Variants in IVD observed in about 807,000 individuals in gnomAD.
IVD encodes isovaleryl-CoA dehydrogenase, mitochondrial.
IVD carries 31 observed loss-of-function variants against 51.3 expected under a neutral mutation model. The ratio of observed to expected loss-of-function variants is 0.60; its 90% CI spans 0.45 to 0.81. The LOEUF is 0.81. Ranked by LOEUF, IVD falls within the 40% of genes least tolerant of loss-of-function variation. IVD has a pLI of 0.00. For missense variants in IVD, 475 were observed against 552.0 expected, an observed-to-expected ratio of 0.86 and a Z score of 1.40; for synonymous variants, 205 against 219.4, an observed-to-expected ratio of 0.93 and a Z score of 0.58.
rs1440309250 is a variant in IVD, at chr15:40,421,166, C to T, written c.*2903C>T. ...TGGCTTAATGTGTGGCTGGAGAGAC[C>T]AGCCTGGAGACAATGTGGCAAAATG... On this transcript the variant is annotated 3_prime_UTR_variant, in exon 12 of 12. Coordinates refer to ENST00000487418, the MANE Select transcript of IVD (RefSeq NM_002225.5). 1 of 985,340 alleles carries T rather than the reference C, an allele frequency of 1.0e-6. No individual in the cohort carries two copies. The highest frequency in any genetic ancestry group is 1.7e-5 in the African/African-American group (1 of 57,242). The allele number at this position is 985,340 out of a possible 1,614,324, so 61.0% of individuals were successfully genotyped here.
chr15:40,431,967 T>TTG (rs1169579164), intron 7 of IVD, among the ~76,000 whole-genome samples: 3 of 148,144 alleles, frequency 2.0e-5, no homozygotes, highest in Non-Finnish European at 4.5e-5. Context: ...ATCTAAGTCT[T>TTG]TTTTTTTTTT....
At chr15:40,430,076 T>A (rs915638390) in intron 7 of IVD, among the ~76,000 whole-genome samples, 8 of 152,216 alleles carry the variant, frequency 5.3e-5, no homozygotes, top group Non-Finnish European at 1.2e-4. Flanking sequence ...TGGCACGCAG[T>A]GTGGCTGCAA....
chr15:40,421,317 C>G (rs1892281055), downstream of IVD: 1 of 985,396 alleles, frequency 1.0e-6, no homozygotes, highest in East Asian at 1.1e-4. Flanking sequence ...AACCATGCAG[C>G]CTGAGTGGTA....
Position 40,419,119 on chromosome 15 carries a change from A to G in IVD, c.*856A>G. ...CCATTGCACTCCAGCCTGGGCGACA[A>G]GAGCAAAACTCTTCAAAAAACAAAA... On this transcript the variant is annotated 3_prime_UTR_variant, in exon 12 of 12. Transcript: ENST00000487418. 1 of 1,283,752 alleles carries G rather than the reference A, an allele frequency of 7.8e-7. No homozygotes were observed. The highest frequency in any genetic ancestry group is 1.2e-5 in the South Asian group (1 of 80,808). 79.5% of individuals were successfully genotyped at this position (1,283,752 alleles called of 1,614,324 possible).
chr15:40,420,664 G>T lies in IVD; in HGVS notation c.*2401G>T. The T allele has an allele frequency of 1.0e-6, 1 of 987,478 alleles. No homozygotes were observed. 61.2% of individuals were successfully genotyped at this position (987,478 alleles called of 1,614,324 possible). ...GGAAGCAGGGAGCCCAGAGTGCTAA[G>T]TTCTTACAGCCAGAAGGAAGCTTAT... On this transcript the variant is annotated 3_prime_UTR_variant, in exon 12 of 12. Transcript: ENST00000487418.
chr15:40,415,378 G>A (rs370481272), intron 8 of IVD, 23 bp from the exon 9 acceptor site: 62 of 1,605,018 alleles, frequency 3.9e-5, no homozygotes, highest in Middle Eastern at 1.7e-4. Flanking sequence ...AGGTGCCCAC[G>A]GGGCCTTTCT....
intron 7 of IVD, among the ~76,000 whole-genome samples, chr15:40,429,536 T>C (rs1892855063): frequency 6.6e-6 from 1 of 152,194 alleles, no homozygotes; most frequent in Non-Finnish European, 1.5e-5. Flanking sequence ...TGCTGCCGTA[T>C]CCCCAGCACT....
chr15:40,421,797 A>G (rs1413523526), downstream of IVD, among the ~76,000 whole-genome samples: 1 of 152,246 alleles, frequency 6.6e-6, no homozygotes, highest in South Asian at 2.1e-4. Context: ...TCTTTGCACA[A>G]CCGAGTGCAG....
chr15:40,411,338 A>C lies in IVD; in HGVS notation c.535A>C (p.Lys179Gln), dbSNP rs760362637. 5.0e-6 allele frequency: 8 copies of C among 1,614,186 alleles called. No individual in the cohort carries two copies. Among genetic ancestry groups the C allele is most frequent in the Non-Finnish European group, 5.1e-6 (6 of 1,180,028 alleles). Reference protein sequence around the residue: ...AGSDVVSMKLKAEKKGNHYIL... With the variant: ...AGSDVVSMKLQAEKKGNHYIL... ...CTCTGATGTTGTCTCTATGAAGCTC[A>C]AAGCGGAAAAGAAAGGTGAGGCCAC... Residue 179 changes from lysine (K) to glutamine (Q), a missense_variant, in exon 5 of 12, where the codon AAA becomes CAA. By Grantham distance (53) the Lys-to-Gln change is moderately conservative (BLOSUM62 1). Coordinates refer to ENST00000487418, the MANE Select transcript of IVD (RefSeq NM_002225.5).
chr15:40,418,855 A>G lies in IVD; in HGVS notation c.*592A>G. On this transcript the variant is annotated 3_prime_UTR_variant, in exon 12 of 12. Transcript: ENST00000487418. ...AAAAAATAATAAACCTAGCCTAGCC[A>G]GGCGTGGTGGCTCATGCTTGTAATC... is the stretch of plus-strand genomic sequence containing the variant. 1.2e-6 allele frequency: 1 copy of G among 819,772 alleles called. No individual in the cohort carries two copies. Among genetic ancestry groups the G allele is most frequent in the Non-Finnish European group, 1.6e-6 (1 of 636,404 alleles). The allele number at this position is 819,772 out of a possible 1,614,324, so 50.8% of individuals were successfully genotyped here.
chr15:40,423,623 G>A (rs1478797405), downstream of IVD, among the ~76,000 whole-genome samples: 2 of 152,000 alleles, frequency 1.3e-5, no homozygotes, highest in South Asian at 2.1e-4. Context: ...CACCATGCCC[G>A]GCTAATTTTT....
downstream of IVD, among the ~76,000 whole-genome samples, chr15:40,428,422 G>T (rs1204760498): frequency 6.6e-6 from 1 of 152,098 alleles, no homozygotes; most frequent in East Asian, 1.9e-4. Context: ...GTCCTTTGAG[G>T]CTGGAGAAGC....
chr15:40,410,721 G>C lies in IVD; in HGVS notation c.380G>C (p.Gly127Ala), dbSNP rs1195537609. The part of the protein sequence containing the change: ...RASGAVGLSY[G>A]AHSNLCINQL... ...TCCGGAGCAGTGGGGCTCAGTTACG[G>C]TGCCCACTCCAACCTCTGCATCAAC... is the stretch of plus-strand genomic sequence containing the variant. The change falls in exon 4 of 12, where the codon GGT (glycine) becomes GCT (alanine). Residue 127 changes from glycine (G) to alanine (A), a missense_variant. By Grantham distance (60) the Gly-to-Ala change is moderately conservative. Transcript: ENST00000487418. 1 of 1,614,206 alleles carries C rather than the reference G, an allele frequency of 6.2e-7. No individual in the cohort carries two copies. The highest frequency in any genetic ancestry group is 8.5e-7 in the Non-Finnish European group (1 of 1,180,046).
At chr15:40,432,867 C>A (rs1178609919) in intron 7 of IVD, among the ~76,000 whole-genome samples, 1 of 152,206 alleles carries the variant, frequency 6.6e-6, no homozygotes, top group Non-Finnish European at 1.5e-5. Flanking sequence ...CAGCCACAGG[C>A]ACTACATTGT....
chr15:40,417,650 G>T (rs1891854132), intron 11 of IVD, among the ~76,000 whole-genome samples: 1 of 152,120 alleles, frequency 6.6e-6, no homozygotes, highest in African/African-American at 2.4e-5. Context: ...GCCTATCTAT[G>T]CTATGTGGGC....
At chr15:40,425,140 C>T (rs1892593825), downstream of IVD, among the ~76,000 whole-genome samples, 1 of 152,200 alleles carries the variant, frequency 6.6e-6, no homozygotes, top group South Asian at 2.1e-4. Flanking sequence ...AGGGGCAGAG[C>T]AGAGCCACAC....
intron 6 of IVD, among the ~76,000 whole-genome samples, 181 bp downstream of exon 6, chr15:40,411,872 A>C (rs1046617306): frequency 6.6e-6 from 1 of 152,252 alleles, no homozygotes; most frequent in Non-Finnish European, 1.5e-5. Flanking sequence ...AGTCCAGGGC[A>C]GATGGGTCAC....
intron 1 of IVD, among the ~76,000 whole-genome samples, 175 bp from the exon 2 acceptor site, chr15:40,407,461 T>C (rs1180182506): frequency 6.6e-6 from 1 of 152,260 alleles, no homozygotes; most frequent in African/African-American, 2.4e-5. Context: ...CTGTCTAGGC[T>C]GAAGACCTTA....
chr15:40,417,481 C>G (rs1386061443), intron 11 of IVD, among the ~76,000 whole-genome samples: 1 of 147,276 alleles, frequency 6.8e-6, no homozygotes, highest in Non-Finnish European at 1.5e-5. Context: ...GCACTCCAGC[C>G]TAGGCCACAG....
Sources: allele counts gnomAD v4.1 joint callset (sites outside exome capture counted in the v4.1 genomes callset), GRCh38; gene constraint gnomAD v4.1.1; transcripts MANE v1.5; gene names NCBI Gene and HGNC (gene_info 2026-07-23, HGNC 2026-07-21).